DPYSL5: variants seen among roughly 807,000 people sequenced by gnomAD.
The protein encoded by DPYSL5 is dihydropyrimidinase-related protein 5.
Under a neutral mutation model 58.4 loss-of-function variants are expected in DPYSL5, and 9 were observed. That is an observed-to-expected ratio of 0.15 (90% confidence interval 0.09 to 0.27). DPYSL5 has a LOEUF of 0.27. Ranked by LOEUF, DPYSL5 falls within the 10% of genes least tolerant of loss-of-function variation. The pLI, the probability that DPYSL5 is intolerant of heterozygous loss-of-function variation, is 1.00. For missense variants in DPYSL5, 499 were observed against 770.6 expected, an observed-to-expected ratio of 0.65 and a Z score of 4.17; for synonymous variants, 293 against 301.9, an observed-to-expected ratio of 0.97 and a Z score of 0.31.
chr2:26,866,341 A>G (rs980806278), intron 1 of DPYSL5, among the ~76,000 whole-genome samples: 3 of 152,210 alleles, frequency 2.0e-5, no homozygotes, highest in Non-Finnish European at 4.4e-5. Flanking sequence ...TTTTATTAAC[A>G]ATACATATTC....
intron 1 of DPYSL5, among the ~76,000 whole-genome samples, chr2:26,888,913 G>A (rs1288867462): frequency 6.6e-6 from 1 of 152,114 alleles, no homozygotes; most frequent in Non-Finnish European, 1.5e-5. Flanking sequence ...AGATCAAGTT[G>A]AAGCTGAGGG....
intron 2 of DPYSL5, among the ~76,000 whole-genome samples, chr2:26,917,768 G>A (rs72851843): frequency 0.011 from 1,751 of 152,308 alleles, 45 homozygotes; most frequent in African/African-American, 0.04. Flanking sequence ...AGGGCCTAGT[G>A]CAAAAGGAAA....
intron 8 of DPYSL5, among the ~76,000 whole-genome samples, chr2:26,938,272 A>G (rs909947930): frequency 2.6e-5 from 4 of 152,230 alleles, no homozygotes; most frequent in African/African-American, 9.6e-5. Flanking sequence ...AAAGAGCAGG[A>G]GTTGAGCCTG....
intron 1 of DPYSL5, among the ~76,000 whole-genome samples, chr2:26,878,803 G>A (rs1663478976): frequency 1.3e-5 from 2 of 152,194 alleles, no homozygotes; most frequent in South Asian, 2.1e-4. Context: ...CAGCCATCCT[G>A]AGTGCACCAA....
At position 26,942,438 on chromosome 2, in the gene DPYSL5, A is replaced by G. The variant is rs1160845325; in HGVS notation, c.1233-105A>G. 1 of 1,305,604 alleles carries G rather than the reference A, an allele frequency of 7.7e-7. No homozygotes were observed. Among genetic ancestry groups the G allele is most frequent in the East Asian group, 2.5e-5 (1 of 39,498 alleles). 80.9% of individuals were successfully genotyped at this position (1,305,604 alleles called of 1,614,324 possible). A position where few individuals can be genotyped will look rare whatever the true frequency, so the allele number is the denominator to read the frequency against. ...CAGCAGAAGAATTTTGAAGGGAGCC[A>G]ATTCAACCCATAACAACCAGCCTTT... is the stretch of plus-strand genomic sequence containing the variant. On this transcript the variant is annotated intron_variant, in intron 10 of 12. Transcript: ENST00000288699. The surrounding 1 kb of genome is among the most constrained non-coding windows in gnomAD (Gnocchi z 5.9).
rs1438491298 is a variant in DPYSL5, at chr2:26,933,130, C to A, written c.715-128C>A. The A allele has an allele frequency of 8.7e-6, 7 of 809,192 alleles. No homozygotes were observed. Among genetic ancestry groups the A allele is most frequent in the Non-Finnish European group, 1.5e-5 (7 of 463,466 alleles). 50.1% of individuals were successfully genotyped at this position (809,192 alleles called of 1,614,324 possible). On this transcript the variant is annotated intron_variant, in intron 6 of 12. Transcript: ENST00000288699. This position sits in a 1 kb window ranked among gnomAD's most constrained non-coding sequence, Gnocchi z 4.2. ...TGCATTCTCCGCTTAAGGACTGTCA[C>A]CTTGAGGGTGGGGTTGAGTGACGCA...
chr2:26,872,087 T>C (rs1417547979), intron 1 of DPYSL5, among the ~76,000 whole-genome samples: 1 of 152,196 alleles, frequency 6.6e-6, no homozygotes, highest in East Asian at 1.9e-4. Flanking sequence ...TCCTCACTCA[T>C]AATTCAGTGT....
At chr2:26,850,178 C>A (rs552095495) in intron 1 of DPYSL5, among the ~76,000 whole-genome samples, 3 of 152,194 alleles carry the variant, frequency 2.0e-5, no homozygotes, top group African/African-American at 7.2e-5. Flanking sequence ...GTTTGGGAGC[C>A]GCTGCTAGGG....
At chr2:26,863,944 G>A (rs552003132) in intron 1 of DPYSL5, among the ~76,000 whole-genome samples, 122 of 152,242 alleles carry the variant, frequency 8.0e-4, no homozygotes, top group African/African-American at 2.8e-3. Context: ...AGGAATTTCA[G>A]AAATTACATA....
At chr2:26,848,774 G>T (rs1250395247) in intron 1 of DPYSL5, among the ~76,000 whole-genome samples, 4 of 152,118 alleles carry the variant, frequency 2.6e-5, no homozygotes, top group Non-Finnish European at 4.4e-5. Flanking sequence ...CCGACCCGGC[G>T]GTCTGTTCCA....
At chr2:26,906,821 CATG>C (rs1664304275) in intron 2 of DPYSL5, among the ~76,000 whole-genome samples, 1 of 150,856 alleles carries the variant, frequency 6.6e-6, no homozygotes, top group Admixed American at 6.6e-5. Flanking sequence ...AGCGTAGTGG[CATG>C]ATCATAGCTC....
intron 1 of DPYSL5, among the ~76,000 whole-genome samples, chr2:26,894,594 T>G (rs72851822): frequency 0.02 from 3,084 of 152,292 alleles, 61 homozygotes; most frequent in African/African-American, 0.04. Flanking sequence ...CTATGCTACC[T>G]CCTTCGGGAG....
In DPYSL5 at chr2:26,849,774, G is replaced by A. The variant is rs953790449; in HGVS notation, c.-5+1520G>A. On this transcript the variant is annotated intron_variant, in intron 1 of 12. Transcript: ENST00000288699. This position sits in a 1 kb window ranked among gnomAD's most constrained non-coding sequence, Gnocchi z 6.2. ...TACTCCCTGCGGAACCTCCGGGCAC[G>A]TGCTGGCTTTGGGGTTTTATGGGGG... Among the ~76,000 whole-genome samples, 1 of 152,218 alleles carries A rather than the reference G, an allele frequency of 6.6e-6. No homozygotes were observed. Among genetic ancestry groups the A allele is most frequent in the Non-Finnish European group, 1.5e-5 (1 of 68,020 alleles).
At chr2:26,863,491 G>A (rs1013045197) in intron 1 of DPYSL5, among the ~76,000 whole-genome samples, 4 of 152,220 alleles carry the variant, frequency 2.6e-5, no homozygotes, top group Non-Finnish European at 5.9e-5. Context: ...GGCTGGGCCT[G>A]CAGCACCCTG....
intron 1 of DPYSL5, among the ~76,000 whole-genome samples, chr2:26,882,888 G>A (rs1376979496): frequency 4.0e-5 from 6 of 149,580 alleles, no homozygotes; most frequent in Non-Finnish European, 8.9e-5. Flanking sequence ...TCCAGCCTGG[G>A]TGACAGAGCG....
chr2:26,918,962 G>A (rs1383441156), intron 2 of DPYSL5, among the ~76,000 whole-genome samples: 2 of 152,162 alleles, frequency 1.3e-5, no homozygotes, highest in Admixed American at 1.3e-4. Flanking sequence ...AAATCTTGTG[G>A]GCAGGGTTGC....
chr2:26,884,136 C>G (rs1370068938), intron 1 of DPYSL5, among the ~76,000 whole-genome samples: 1 of 152,198 alleles, frequency 6.6e-6, no homozygotes, highest in Non-Finnish European at 1.5e-5. Context: ...CACAGCAGGG[C>G]TGAGTTATCT....
chr2:26,912,184 A>G (rs1048428708), intron 2 of DPYSL5, among the ~76,000 whole-genome samples: 1 of 152,218 alleles, frequency 6.6e-6, no homozygotes, highest in African/African-American at 2.4e-5. Flanking sequence ...GGCAGATCTT[A>G]TCATCCTTCC....
chr2:26,873,110 TTA>T (rs1390099941), intron 1 of DPYSL5, among the ~76,000 whole-genome samples: 1 of 152,184 alleles, frequency 6.6e-6, no homozygotes, highest in Non-Finnish European at 1.5e-5. Context: ...TCCTACTATA[TTA>T]TATGTTTTTT....
Sources: allele counts gnomAD v4.1 joint callset (sites outside exome capture counted in the v4.1 genomes callset), GRCh38; gene constraint gnomAD v4.1.1; non-coding constraint Gnocchi (gnomAD v3.1); transcripts MANE v1.5; gene names NCBI Gene and HGNC (gene_info 2026-07-23, HGNC 2026-07-21).